Variants in KCTD16 observed in about 807,000 individuals in gnomAD.
The protein encoded by KCTD16 is BTB/POZ domain-containing protein KCTD16.
Under a neutral mutation model 33.2 loss-of-function variants are expected in KCTD16, and 13 were observed. The observed-to-expected ratio is 0.39, with a 90% CI of 0.25 to 0.62. KCTD16 has a LOEUF of 0.62. Among genes scored for constraint, KCTD16 ranks in the 20% least tolerant of loss-of-function variants. The probability of loss-of-function intolerance (pLI) is 0.50; values close to 1 mark genes in which losing one functional copy is unlikely to be tolerated. For missense variants in KCTD16, 441 were observed against 525.1 expected (o/e 0.84, Z 1.57); for synonymous variants, 197 against 195.3 (o/e 1.01, Z -0.07).
chr5:144,227,801 T>A (rs903020609), intron 3 of KCTD16, among the ~76,000 whole-genome samples: 1 of 152,030 alleles, frequency 6.6e-6, no homozygotes, highest in Admixed American at 6.6e-5. Context: ...ATTTTGAAGG[T>A]AGAGGCATCA....
intron 3 of KCTD16, among the ~76,000 whole-genome samples, chr5:144,441,542 A>G (rs1753708178): frequency 6.6e-6 from 1 of 152,114 alleles, no homozygotes; most frequent in Admixed American, 6.6e-5. Context: ...ATGCATGTGG[A>G]TATCCAGTTG....
intron 3 of KCTD16, among the ~76,000 whole-genome samples, chr5:144,466,973 AT>A (rs1345169011): frequency 7.5e-6 from 1 of 132,464 alleles, no homozygotes; most frequent in Non-Finnish European, 1.6e-5. Context: ...TATATTATAT[AT>A]AATATATATA....
At chr5:144,386,675 A>G (rs111323871) in intron 3 of KCTD16, among the ~76,000 whole-genome samples, 2,169 of 152,342 alleles carry the variant, frequency 0.014, 48 homozygotes, top group African/African-American at 0.05. Context: ...TGCACTGCTT[A>G]TAAGAGACGC....
chr5:144,422,938 G>A (rs1031973889), intron 3 of KCTD16, among the ~76,000 whole-genome samples: 3 of 152,064 alleles, frequency 2.0e-5, no homozygotes, highest in South Asian at 4.1e-4. Context: ...GACCAACAAG[G>A]ACCTTTATCT....
chr5:144,363,997 T>G lies in KCTD16; in HGVS notation c.833-109663T>G, dbSNP rs550259648. Reference sequence around the variant, plus strand: ...TTTATTTTATTCAATTCAGTTTTTTTTGTGTAATTTAGTTCTATAGTTAAA... The same window carrying G: ...TTTATTTTATTCAATTCAGTTTTTTGTGTGTAATTTAGTTCTATAGTTAAA... On this transcript the variant is annotated intron_variant, in intron 3 of 3. Coordinates refer to ENST00000512467, the MANE Select transcript of KCTD16 (RefSeq NM_020768.4). 5.3e-5 allele frequency among the ~76,000 whole-genome samples: 8 copies of G among 152,342 alleles called. 1 individual carries two copies. Among genetic ancestry groups the G allele is most frequent in the African/African-American group, 1.2e-4 (5 of 41,584 alleles).
At chr5:144,266,917 C>T (rs1490009745) in intron 3 of KCTD16, among the ~76,000 whole-genome samples, 3 of 151,998 alleles carry the variant, frequency 2.0e-5, no homozygotes, top group Admixed American at 2.0e-4. Flanking sequence ...TTCATCTGGT[C>T]CTGAAGCATG....
intron 3 of KCTD16, among the ~76,000 whole-genome samples, chr5:144,409,715 T>C (rs1752890166): frequency 6.6e-6 from 1 of 151,872 alleles, no homozygotes; most frequent in Non-Finnish European, 1.5e-5. Flanking sequence ...AAAAATTGGC[T>C]GGATGTGGTG....
chr5:144,295,017 C>G (rs1755997363), intron 3 of KCTD16, among the ~76,000 whole-genome samples: 1 of 152,112 alleles, frequency 6.6e-6, no homozygotes, highest in African/African-American at 2.4e-5. Flanking sequence ...ATTTTCTATA[C>G]AAAAAGCAGT....
intron 3 of KCTD16, among the ~76,000 whole-genome samples, chr5:144,226,995 A>G (rs1027397489): frequency 6.6e-5 from 10 of 152,370 alleles, no homozygotes; most frequent in East Asian, 3.9e-4. Flanking sequence ...AACAGCTACT[A>G]TATGCCAAAC....
chr5:144,272,031 A>G (rs1755312524), intron 3 of KCTD16, among the ~76,000 whole-genome samples: 1 of 152,220 alleles, frequency 6.6e-6, no homozygotes, highest in Non-Finnish European at 1.5e-5. Context: ...AAATGGGAGC[A>G]CATTTCATGT....
chr5:144,189,352 C>T (rs1458271974), intron 2 of KCTD16, among the ~76,000 whole-genome samples: 1 of 151,956 alleles, frequency 6.6e-6, no homozygotes. Context: ...CAAAATTAGC[C>T]GGGTGTGGTG....
intron 3 of KCTD16, among the ~76,000 whole-genome samples, chr5:144,364,380 A>T (rs554140025): frequency 2.2e-4 from 33 of 152,306 alleles, no homozygotes; most frequent in Admixed American, 1.8e-3. Flanking sequence ...GTGTACTTGG[A>T]TGAATTGAAA....
At chr5:144,443,475 A>G (rs1753756608) in intron 3 of KCTD16, among the ~76,000 whole-genome samples, 1 of 151,886 alleles carries the variant, frequency 6.6e-6, no homozygotes, top group African/African-American at 2.4e-5. Flanking sequence ...TCTGTCTACT[A>G]TATTTTTCAT....
At position 144,234,250 on chromosome 5, in the gene KCTD16, A is replaced by G. The variant is rs11960279; in HGVS notation, c.832+26704A>G. ...AATTGTTCAAACCTCCCTATTTGGA[A>G]GAGACACAGGCCATCTCTCTCCAAG... On this transcript the variant is annotated intron_variant, in intron 3 of 3. Transcript: ENST00000512467. Among the ~76,000 whole-genome samples, 286 of 152,262 alleles carry G rather than the reference A, an allele frequency of 1.9e-3. 2 individuals are homozygous for G. Among genetic ancestry groups the G allele is most frequent in the African/African-American group, 6.7e-3 (280 of 41,554 alleles).
In KCTD16 at chr5:144,482,918, A is replaced by G. The variant is rs1230003214; in HGVS notation, c.*8804A>G. On this transcript the variant is annotated 3_prime_UTR_variant, in exon 4 of 4. Transcript: ENST00000512467. ...TTACAATTTATATTTGGTTTCCTAG[A>G]CGGTCTAATATAGTTCTAATTTCCA... 1 of 151,660 alleles carries G rather than the reference A, an allele frequency of 6.6e-6. No individual in the cohort carries two copies. Among genetic ancestry groups the G allele is most frequent in the Admixed American group, 6.6e-5 (1 of 15,194 alleles). The allele number at this position is 151,660 out of a possible 1,614,324, so 9.4% of individuals were successfully genotyped here.
intron 3 of KCTD16, among the ~76,000 whole-genome samples, chr5:144,235,415 C>T (rs1168576040): frequency 1.3e-5 from 2 of 152,080 alleles, no homozygotes; most frequent in African/African-American, 4.8e-5. Context: ...TGCATTTACT[C>T]AGATCAGGGG....
At chr5:144,325,072 G>A (rs957721879) in intron 3 of KCTD16, among the ~76,000 whole-genome samples, 2 of 152,158 alleles carry the variant, frequency 1.3e-5, no homozygotes, top group African/African-American at 4.8e-5. Context: ...GTATCCCGGA[G>A]CTTATAATAA....
intron 3 of KCTD16, among the ~76,000 whole-genome samples, chr5:144,304,075 A>G (rs974824621): frequency 1.3e-5 from 2 of 152,206 alleles, no homozygotes; most frequent in African/African-American, 4.8e-5. Context: ...TGGCTCTACA[A>G]AAATATTCAA....
chr5:144,321,633 A>T lies in KCTD16; in HGVS notation c.832+114087A>T, dbSNP rs903306822. ...TGTAACTTAATTACTTCTTAGTTTG[A>T]TTTGACGGCCTTATTCTATTAGATA... On this transcript the variant is annotated intron_variant, in intron 3 of 3. Transcript: ENST00000512467. Among the ~76,000 whole-genome samples the T allele has an allele frequency of 3.9e-5, 6 of 152,218 alleles. 1 individual carries two copies. In the East Asian group the frequency reaches 1.2e-3, roughly 29 times the overall value.
Sources: allele counts gnomAD v4.1 joint callset (sites outside exome capture counted in the v4.1 genomes callset), GRCh38; gene constraint gnomAD v4.1.1; transcripts MANE v1.5; gene names NCBI Gene and HGNC (gene_info 2026-07-23, HGNC 2026-07-21).